ZNF599: variants seen among roughly 807,000 people sequenced by gnomAD.
The protein encoded by ZNF599 is zinc finger protein 599.
In ZNF599, 10 loss-of-function variants were observed where a neutral mutation model predicts 11.7. That is an observed-to-expected ratio of 0.86 (90% CI 0.53 to 1.45). The LOEUF is 1.45. Ranked by LOEUF, ZNF599 falls within the 40% of genes most tolerant of loss-of-function variation. ZNF599 has a pLI of 0.00. For synonymous variants in ZNF599, 232 were observed against 253.2 expected (o/e 0.92, Z 0.79); for missense variants, 688 against 713.6 (o/e 0.96, Z 0.41).
At chr19:34,807,589 C>A in the ZNF599 span, among the ~76,000 whole-genome samples, 23 of 152,340 alleles carry the variant, frequency 1.5e-4, no homozygotes, top group East Asian at 4.2e-3. Context: ...AAATGACCGC[C>A]ACAAAGTGAG....
At chr19:34,777,393 TA>T (rs2069223341), upstream of ZNF599, among the ~76,000 whole-genome samples, 1 of 90,424 alleles carries the variant, frequency 1.1e-5, no homozygotes, top group African/African-American at 4.6e-5. Flanking sequence ...AATTAATATA[TA>T]ATATATATTA....
At chr19:34,771,767 G>A (rs190879220) in intron 1 of ZNF599, among the ~76,000 whole-genome samples, 90 of 152,278 alleles carry the variant, frequency 5.9e-4, no homozygotes, top group African/African-American at 2.1e-3. Flanking sequence ...ATCACTTATC[G>A]ACTAAGTGGT....
chr19:34,797,415 T>C, the ZNF599 span, among the ~76,000 whole-genome samples: 4 of 152,056 alleles, frequency 2.6e-5, no homozygotes, highest in African/African-American at 7.2e-5. Context: ...GTTGAACTAG[T>C]TTACAGTCCC....
intron 1 of ZNF599, chr19:34,772,576 G>A: frequency 1.5e-6 from 2 of 1,337,950 alleles, no homozygotes; most frequent in African/African-American, 1.5e-5. Flanking sequence ...GAGGCCGAGG[G>A]CAGCGAGGCG....
chr19:34,777,262 T>C (rs540275345), upstream of ZNF599, among the ~76,000 whole-genome samples: 13 of 124,322 alleles, frequency 1.0e-4, no homozygotes, highest in African/African-American at 3.6e-4. Flanking sequence ...ATATATTATA[T>C]ATATCCAGAG....
the ZNF599 span, among the ~76,000 whole-genome samples, chr19:34,795,756 C>T: frequency 5.6e-4 from 86 of 152,316 alleles, no homozygotes; most frequent in African/African-American, 7.2e-4. Flanking sequence ...AGTCCACTTA[C>T]GGCTTTTCCT....
the ZNF599 span, among the ~76,000 whole-genome samples, chr19:34,806,439 C>T: frequency 6.6e-6 from 1 of 152,204 alleles, no homozygotes; most frequent in Admixed American, 6.5e-5. Flanking sequence ...AGTTCACAAC[C>T]CTGCATGGCT....
At chr19:34,795,166 T>C in the ZNF599 span, among the ~76,000 whole-genome samples, 1 of 152,154 alleles carries the variant, frequency 6.6e-6, no homozygotes, top group Non-Finnish European at 1.5e-5. Flanking sequence ...TTAAAGGCCA[T>C]AGTAAGAGTA....
chr19:34,761,027 C>T (rs1417824513), intron 3 of ZNF599, among the ~76,000 whole-genome samples: 1 of 152,044 alleles, frequency 6.6e-6, no homozygotes, highest in East Asian at 1.9e-4. Context: ...AGTTCCCAGA[C>T]AGAGGAATTA....
At chr19:34,777,534 C>A (rs2069227516), upstream of ZNF599, among the ~76,000 whole-genome samples, 2 of 110,580 alleles carry the variant, frequency 1.8e-5, no homozygotes, top group African/African-American at 3.6e-5. Context: ...TATATATAAT[C>A]TATATATCTA....
At chr19:34,777,755 A>G (rs566033424), upstream of ZNF599, among the ~76,000 whole-genome samples, 239 of 151,224 alleles carry the variant, frequency 1.6e-3, no homozygotes, top group African/African-American at 5.5e-3. Context: ...TCCCACTTAT[A>G]TGAGGTATCA....
chr19:34,762,241 C>T (rs2069117850), intron 3 of ZNF599, among the ~76,000 whole-genome samples: 2 of 152,158 alleles, frequency 1.3e-5, no homozygotes, highest in Admixed American at 1.3e-4. Flanking sequence ...AAGAAGTGTT[C>T]ACCTTTCTTG....
At chr19:34,804,217 G>A in the ZNF599 span, among the ~76,000 whole-genome samples, 2 of 152,206 alleles carry the variant, frequency 1.3e-5, no homozygotes, top group South Asian at 2.1e-4. Context: ...CCACTATCCT[G>A]GCGAGTCCGT....
At chr19:34,765,254 C>T (rs1197518922) in intron 3 of ZNF599, 3 of 266,230 alleles carry the variant, frequency 1.1e-5, no homozygotes, top group Non-Finnish European at 2.2e-5. Context: ...GTTGGCAGGA[C>T]CTCGATTTGC....
chr19:34,772,874 C>A lies in ZNF599; in HGVS notation c.-33G>T. On this transcript the variant is annotated 5_prime_UTR_variant, in exon 1 of 4. Coordinates refer to ENST00000329285, the MANE Select transcript of ZNF599 (RefSeq NM_001007248.3). Reference sequence around the variant, plus strand: ...GGGGGCTGGGTGAGGCCGTGAGAGTCGGCGAGGAAGCCGGTCCTGCGGGCT... The same window carrying A: ...GGGGGCTGGGTGAGGCCGTGAGAGTAGGCGAGGAAGCCGGTCCTGCGGGCT... 2.1e-6 allele frequency: 3 copies of A among 1,436,332 alleles called. No homozygotes were observed. Among genetic ancestry groups the A allele is most frequent in the Non-Finnish European group, 2.7e-6 (3 of 1,099,858 alleles). 89.0% of individuals were successfully genotyped at this position (1,436,332 alleles called of 1,614,324 possible).
chr19:34,772,856 G>A lies in ZNF599; in HGVS notation c.-15C>T. On this transcript the variant is annotated 5_prime_UTR_variant, in exon 1 of 4. Transcript: ENST00000329285. Reference sequence around the variant, plus strand: ...GGCGCCGCCATGGGCCCAGGGGGCTGGGTGAGGCCGTGAGAGTCGGCGAGG... The same window carrying A: ...GGCGCCGCCATGGGCCCAGGGGGCTAGGTGAGGCCGTGAGAGTCGGCGAGG... 6.8e-7 allele frequency: 1 copy of A among 1,480,994 alleles called. No individual in the cohort carries two copies. Among genetic ancestry groups the A allele is most frequent in the Non-Finnish European group, 8.9e-7 (1 of 1,120,752 alleles). The allele number at this position is 1,480,994 out of a possible 1,614,324, so 91.7% of individuals were successfully genotyped here.
At chr19:34,775,813 A>AATTTG (rs1483855469), upstream of ZNF599, among the ~76,000 whole-genome samples, 2 of 152,214 alleles carry the variant, frequency 1.3e-5, no homozygotes, top group Non-Finnish European at 2.9e-5. Flanking sequence ...GAGGTGTGTC[A>AATTTG]ACAAAACATA....
chr19:34,802,350 T>A, the ZNF599 span, among the ~76,000 whole-genome samples: 2 of 151,898 alleles, frequency 1.3e-5, no homozygotes, highest in Non-Finnish European at 2.9e-5. Context: ...AGGAGTGGGG[T>A]CTACAACTCC....
intron 1 of ZNF599, among the ~76,000 whole-genome samples, chr19:34,771,582 T>C (rs1181293444): frequency 2.0e-5 from 3 of 152,112 alleles, no homozygotes; most frequent in African/African-American, 7.2e-5. Flanking sequence ...CTGGCGACAA[T>C]GTGACAGAGA....
Sources: gnomAD v4.1 joint callset for allele counts (sites outside exome capture counted in the v4.1 genomes callset) on GRCh38, gnomAD v4.1.1 for gene constraint, MANE v1.5 for transcripts, NCBI Gene and HGNC (gene_info 2026-07-23, HGNC 2026-07-21) for gene names.